Variants in PSTPIP2 observed in about 807,000 individuals in gnomAD.
The protein encoded by PSTPIP2 is proline-serine-threonine phosphatase-interacting protein 2.
PSTPIP2 carries 33 observed loss-of-function variants against 63.3 expected under a neutral mutation model. The observed-to-expected ratio is 0.52, with a 90% CI of 0.40 to 0.70. The LOEUF is 0.70. Ranked by LOEUF, PSTPIP2 falls within the 30% of genes least tolerant of loss-of-function variation. The pLI is 0.00. For synonymous variants in PSTPIP2, 125 were observed against 132.7 expected (o/e 0.94, Z 0.40); for missense variants, 312 against 400.7 (o/e 0.78, Z 1.89).
chr18:46,032,378 C>T (rs1384953198), intron 2 of PSTPIP2, among the ~76,000 whole-genome samples: 1 of 152,176 alleles, frequency 6.6e-6, no homozygotes, highest in African/African-American at 2.4e-5. Flanking sequence ...CAAAGCTCTC[C>T]TTAAAAACCC....
intron 1 of PSTPIP2, 66 bp from the exon 2 acceptor site, chr18:46,040,113 T>C: frequency 7.5e-7 from 1 of 1,336,840 alleles, no homozygotes; most frequent in Non-Finnish European, 1.0e-6. Context: ...GGAGAGAAGA[T>C]AAGACAAAAG....
chr18:46,071,478 C>T (rs1196350880), intron 1 of PSTPIP2, among the ~76,000 whole-genome samples: 1 of 152,108 alleles, frequency 6.6e-6, no homozygotes, highest in Non-Finnish European at 1.5e-5. Flanking sequence ...GGGTGGGGTA[C>T]CCCCTCCAGC....
At chr18:46,064,282 C>CTTTTTTTTTTTTTTTTTT (rs56236802) in intron 1 of PSTPIP2, among the ~76,000 whole-genome samples, 9 of 71,526 alleles carry the variant, frequency 1.3e-4, no homozygotes, top group East Asian at 4.4e-4. Flanking sequence ...CTTTTTCTTT[C>CTTTTTTTTTTTTTTTTTT]TTTTTTTTTT....
chr18:46,064,272 CTTTTTCTTTCTT>C (rs1255116462), intron 1 of PSTPIP2, among the ~76,000 whole-genome samples: 3 of 125,732 alleles, frequency 2.4e-5, no homozygotes, highest in African/African-American at 6.0e-5. Context: ...TTTCTTCTTT[CTTTTTCTTTCTT>C]TTTTTTTTTT....
intron 5 of PSTPIP2, among the ~76,000 whole-genome samples, chr18:46,007,298 C>T (rs1001289252): frequency 6.6e-6 from 1 of 152,340 alleles, no homozygotes; most frequent in South Asian, 2.1e-4. Context: ...CTTGGAGGAG[C>T]TTCAAAGGAG....
chr18:46,011,629 A>G (rs1490174490), intron 4 of PSTPIP2, among the ~76,000 whole-genome samples: 1 of 152,204 alleles, frequency 6.6e-6, no homozygotes, highest in Non-Finnish European at 1.5e-5. Context: ...TTGACTCTTC[A>G]TTCTCTGTAG....
intron 1 of PSTPIP2, among the ~76,000 whole-genome samples, chr18:46,057,101 C>T (rs985356673): frequency 6.6e-6 from 1 of 152,042 alleles, no homozygotes; most frequent in African/African-American, 2.4e-5. Context: ...AAGACTCCAT[C>T]TCAAAGGAAA....
chr18:46,009,331 T>C (rs193133448), intron 5 of PSTPIP2, among the ~76,000 whole-genome samples: 23 of 136,456 alleles, frequency 1.7e-4, no homozygotes, highest in African/African-American at 5.7e-4. Context: ...GAAGTTAGCA[T>C]TGGCACATTT....
At chr18:46,005,712 G>A (rs926736649) in intron 5 of PSTPIP2, among the ~76,000 whole-genome samples, 181 bp from the exon 6 acceptor site, 5 of 152,126 alleles carry the variant, frequency 3.3e-5, no homozygotes, top group African/African-American at 7.2e-5. Flanking sequence ...AGCTAATAAC[G>A]GGGCCCATCT....
chr18:46,045,311 C>T (rs916891574), intron 1 of PSTPIP2, among the ~76,000 whole-genome samples: 2 of 152,202 alleles, frequency 1.3e-5, no homozygotes, highest in African/African-American at 2.4e-5. Context: ...CACATATACA[C>T]CATGGAATAC....
At chr18:46,021,533 T>C (rs1907352774) in intron 3 of PSTPIP2, among the ~76,000 whole-genome samples, 1 of 151,846 alleles carries the variant, frequency 6.6e-6, no homozygotes, top group South Asian at 2.1e-4. Context: ...AAACATTATA[T>C]AGAGCCCTAT....
chr18:46,056,483 G>T (rs1908759609), intron 1 of PSTPIP2, among the ~76,000 whole-genome samples: 1 of 152,250 alleles, frequency 6.6e-6, no homozygotes, highest in South Asian at 2.1e-4. Flanking sequence ...GGAGGCCAAG[G>T]TGGGAGGATC....
At chr18:46,021,115 TA>T (rs1301209565) in intron 3 of PSTPIP2, among the ~76,000 whole-genome samples, 1 of 152,230 alleles carries the variant, frequency 6.6e-6, no homozygotes, top group Admixed American at 6.5e-5. Flanking sequence ...ATTCTTTAAT[TA>T]CAGTGAAACT....
At chr18:46,009,926 C>G (rs1362142918) in intron 5 of PSTPIP2, among the ~76,000 whole-genome samples, 1 of 152,214 alleles carries the variant, frequency 6.6e-6, no homozygotes, top group East Asian at 1.9e-4. Context: ...AGGTCAGAGG[C>G]ACTCCTCAAA....
At chr18:46,050,640 T>C (rs1025058508) in intron 1 of PSTPIP2, among the ~76,000 whole-genome samples, 6 of 152,154 alleles carry the variant, frequency 3.9e-5, no homozygotes, top group African/African-American at 1.4e-4. Flanking sequence ...AAATAAATTA[T>C]GTACAATCAC....
chr18:46,015,887 A>G lies in PSTPIP2; in HGVS notation c.247+16T>C, dbSNP rs974588342. 2 of 1,607,394 alleles carry G rather than the reference A, an allele frequency of 1.2e-6. No homozygotes were observed. Among genetic ancestry groups the G allele is most frequent in the African/African-American group, 1.3e-5 (1 of 74,386 alleles). ...CAAGGGCAGTGAATACATTTTTTAA[A>G]AAAAAAATCACTTACGCTGCTTGAA... On this transcript the variant is annotated intron_variant, in intron 4 of 14. Transcript: ENST00000409746.
At chr18:46,030,595 G>A (rs752524796) in intron 2 of PSTPIP2, among the ~76,000 whole-genome samples, 3 of 152,094 alleles carry the variant, frequency 2.0e-5, no homozygotes, top group Non-Finnish European at 4.4e-5. Context: ...TGAATTTGAG[G>A]CTCAATAATT....
chr18:46,025,713 A>G (rs1907555840), intron 2 of PSTPIP2, among the ~76,000 whole-genome samples: 1 of 152,106 alleles, frequency 6.6e-6, no homozygotes, highest in Admixed American at 6.5e-5. Flanking sequence ...AAAGAAAAGA[A>G]AAAAGAAAAA....
At position 45,993,342 on chromosome 18, in the gene PSTPIP2, G is replaced by A. The variant is rs571534328; in HGVS notation, c.741+263C>T. ...ACTCCTGACCTCGGGTGATCCACCC[G>A]TCTCAGCCTCCCAAAGTTCTGAGAT... On this transcript the variant is annotated intron_variant, in intron 10 of 14. Coordinates refer to ENST00000409746, the MANE Select transcript of PSTPIP2 (RefSeq NM_024430.4). 5.9e-5 allele frequency among the ~76,000 whole-genome samples: 9 copies of A among 152,248 alleles called. 1 individual carries two copies. Among genetic ancestry groups the A allele is most frequent in the Middle Eastern group, 3.4e-3 (1 of 294 alleles).
Sources: gnomAD v4.1 joint callset for allele counts (sites outside exome capture counted in the v4.1 genomes callset) on GRCh38, gnomAD v4.1.1 for gene constraint, MANE v1.5 for transcripts, NCBI Gene and HGNC (gene_info 2026-07-23, HGNC 2026-07-21) for gene names.